The following MCPH1 variants were observed in gnomAD, a reference collection of about 807,000 sequenced individuals.
MCPH1 encodes microcephalin 1.
Under a neutral mutation model 84.5 loss-of-function variants are expected in MCPH1, and 104 were observed. That is an observed-to-expected ratio of 1.23 (90% CI 1.05 to 1.45). The LOEUF (loss-of-function observed/expected upper bound fraction) is 1.45. Among genes scored for constraint, MCPH1 ranks in the 40% most tolerant of loss-of-function variants. MCPH1 has a pLI of 0.00. For synonymous variants in MCPH1, 514 were observed against 366.8 expected, an observed-to-expected ratio of 1.40 and a Z score of -4.58; for missense variants, 1,498 against 1,005.7, an observed-to-expected ratio of 1.49 and a Z score of -6.62.
rs1204071318 is a variant in MCPH1 at position 6,549,234 on chromosome 8, TG to T, written c.2214+49308del. Among the ~76,000 whole-genome samples, 3 of 152,324 alleles carry T rather than the reference TG, an allele frequency of 2.0e-5. No homozygotes were observed. The East Asian group carries it at 5.8e-4, about 29-fold the overall frequency. The stretch of plus-strand genomic sequence containing the variant: ...CAAATGTCAATCTACAGCAGTACCA[TG>T]GGTACGTAAATTGTGTTATACAGCG... On this transcript the variant is annotated intron_variant, in intron 12 of 13. Coordinates refer to ENST00000344683, the MANE Select transcript of MCPH1 (RefSeq NM_024596.5).
chr8:6,513,535 T>G (rs13250387), intron 12 of MCPH1: 191,765 of 554,964 alleles, frequency 0.35, 34,561 homozygotes, highest in Middle Eastern at 0.47. Context: ...GGGTTTCACT[T>G]TGTTTGCCAG....
At chr8:6,408,536 C>T (rs556508657) in intron 1 of MCPH1, among the ~76,000 whole-genome samples, 16 of 151,204 alleles carry the variant, frequency 1.1e-4, no homozygotes, top group Non-Finnish European at 2.4e-4. Context: ...GAAGAAACTT[C>T]ATTTACTTTT....
At position 6,445,063 on chromosome 8, in the gene MCPH1, T is replaced by C. The variant is rs368562905; in HGVS notation, c.1341T>C (p.Leu447=). The change falls in exon 8 of 14, where the codon CTT becomes CTC. Residue 447 remains leucine, a synonymous_variant. Coordinates refer to ENST00000344683, the MANE Select transcript of MCPH1 (RefSeq NM_024596.5). ...CTGCTCAGTTGAGCTGCAGAAGTCTTTCTAAGAAGGAGAGAACAAGCATAT... is the reference window on the plus strand; with the variant it reads ...CTGCTCAGTTGAGCTGCAGAAGTCTCTCTAAGAAGGAGAGAACAAGCATAT... ...SSPAQLSCRS[L]SKKERTSIFE... 9.3e-6 allele frequency: 15 copies of C among 1,614,104 alleles called. No homozygotes were observed. Among genetic ancestry groups the C allele is most frequent in the Middle Eastern group, 1.6e-4 (1 of 6,084 alleles).
chr8:6,506,870 A>T (rs1368640557), intron 12 of MCPH1, among the ~76,000 whole-genome samples: 2 of 151,082 alleles, frequency 1.3e-5, no homozygotes, highest in Non-Finnish European at 2.9e-5. Flanking sequence ...TATTATTTTC[A>T]TTACTAAATC....
intron 12 of MCPH1, among the ~76,000 whole-genome samples, chr8:6,611,850 C>T (rs146159292): frequency 4.6e-5 from 7 of 152,274 alleles, no homozygotes; most frequent in Admixed American, 3.9e-4. Context: ...GGTCTCCTGA[C>T]CTCGTGATCC....
intron 12 of MCPH1, among the ~76,000 whole-genome samples, chr8:6,612,741 A>G (rs1830395051): frequency 6.6e-6 from 1 of 152,044 alleles, no homozygotes; most frequent in Admixed American, 6.5e-5. Context: ...TGCACTTTCC[A>G]TGTCCTGCTC....
At chr8:6,618,214 C>T (rs543414208) in intron 12 of MCPH1, among the ~76,000 whole-genome samples, 3 of 152,046 alleles carry the variant, frequency 2.0e-5, no homozygotes, top group Non-Finnish European at 2.9e-5. Context: ...CACACAGGCT[C>T]CTTGGCGAGA....
chr8:6,450,151 A>T (rs543893070), intron 8 of MCPH1, among the ~76,000 whole-genome samples: 2 of 152,200 alleles, frequency 1.3e-5, no homozygotes, highest in Non-Finnish European at 2.9e-5. Context: ...GGTCTTGTTC[A>T]TCGATAATAG....
chr8:6,495,657 T>G (rs1182057155), intron 11 of MCPH1, among the ~76,000 whole-genome samples: 1 of 152,212 alleles, frequency 6.6e-6, no homozygotes, highest in African/African-American at 2.4e-5. Context: ...AATAATGTGT[T>G]TCTACACCTT....
chr8:6,548,732 G>A (rs1258659282), intron 12 of MCPH1, among the ~76,000 whole-genome samples: 3 of 152,206 alleles, frequency 2.0e-5, no homozygotes, highest in Admixed American at 6.5e-5. Context: ...AAATTATTGT[G>A]TATAACAAGC....
At chr8:6,522,616 A>T (rs948549577) in intron 12 of MCPH1, among the ~76,000 whole-genome samples, 2 of 151,568 alleles carry the variant, frequency 1.3e-5, no homozygotes, top group African/African-American at 4.8e-5. Flanking sequence ...TCTACTAAAA[A>T]TACAAAAATT....
At chr8:6,424,759 A>G (rs1373888301) in intron 3 of MCPH1, among the ~76,000 whole-genome samples, 2 of 152,226 alleles carry the variant, frequency 1.3e-5, no homozygotes, top group Non-Finnish European at 2.9e-5. Flanking sequence ...TCCTACGGTT[A>G]TTTAGTGCTA....
chr8:6,467,005 G>A (rs1364917851), intron 9 of MCPH1, among the ~76,000 whole-genome samples: 1 of 152,052 alleles, frequency 6.6e-6, no homozygotes, highest in Middle Eastern at 3.2e-3. Context: ...ATTTCGATTT[G>A]TTTTTAAAAA....
At chr8:6,573,682 G>A (rs1207700237) in intron 12 of MCPH1, among the ~76,000 whole-genome samples, 1 of 152,152 alleles carries the variant, frequency 6.6e-6, no homozygotes, top group African/African-American at 2.4e-5. Context: ...AGAAATGGGA[G>A]CATCTGATGA....
At chr8:6,578,659 G>C (rs780298407) in intron 12 of MCPH1, among the ~76,000 whole-genome samples, 2 of 152,194 alleles carry the variant, frequency 1.3e-5, no homozygotes, top group Admixed American at 6.5e-5. Flanking sequence ...AAAACCCTGC[G>C]TGGAAGATGT....
At chr8:6,562,868 G>A (rs142616217) in intron 12 of MCPH1, 6 of 1,612,560 alleles carry the variant, frequency 3.7e-6, no homozygotes, top group South Asian at 3.3e-5. Flanking sequence ...ATGCTCTTCC[G>A]AAAGTTGTTA....
intron 12 of MCPH1, among the ~76,000 whole-genome samples, chr8:6,517,497 A>G (rs1285970927): frequency 6.6e-6 from 1 of 152,240 alleles, no homozygotes. Flanking sequence ...CTAAAGCTGC[A>G]GTATTTTGGC....
chr8:6,583,589 C>T (rs1827735190), intron 12 of MCPH1, among the ~76,000 whole-genome samples: 1 of 152,180 alleles, frequency 6.6e-6, no homozygotes, highest in African/African-American at 2.4e-5. Flanking sequence ...GAATGAAGGA[C>T]AGAGTTGTTG....
chr8:6,563,702 C>T (rs565045351), intron 12 of MCPH1, among the ~76,000 whole-genome samples: 1 of 152,262 alleles, frequency 6.6e-6, no homozygotes, highest in East Asian at 1.9e-4. Flanking sequence ...CTCCTGTAAA[C>T]GTGTGCCTTT....
Sources: gnomAD v4.1 joint callset for allele counts (sites outside exome capture counted in the v4.1 genomes callset) on GRCh38, gnomAD v4.1.1 for gene constraint, MANE v1.5 for transcripts, NCBI Gene and HGNC (gene_info 2026-07-23, HGNC 2026-07-21) for gene names.